The following C2CD5 variants were observed in gnomAD, a reference collection of about 807,000 sequenced individuals.
C2CD5 encodes C2 domain-containing protein 5.
A neutral mutation model predicts 130.3 loss-of-function variants in C2CD5; 109 were observed. That is an observed-to-expected ratio of 0.84 (90% confidence interval 0.72 to 0.98). The LOEUF (loss-of-function observed/expected upper bound fraction) is 0.98. C2CD5 is among the 50% of genes least tolerant of loss of function. C2CD5 has a pLI of 0.00. For missense variants in C2CD5, 996 were observed against 1,261.8 expected, an observed-to-expected ratio of 0.79 and a Z score of 3.19; for synonymous variants, 454 against 429.2, an observed-to-expected ratio of 1.06 and a Z score of -0.71.
intron 7 of C2CD5, among the ~76,000 whole-genome samples, chr12:22,519,495 A>T (rs1950076672): frequency 6.6e-6 from 1 of 152,148 alleles, no homozygotes; most frequent in Admixed American, 6.5e-5. Flanking sequence ...TAGCAAGCAG[A>T]ATAGTCAATG....
chr12:22,532,907 AG>A (rs1406825193), intron 3 of C2CD5, among the ~76,000 whole-genome samples: 26 of 152,244 alleles, frequency 1.7e-4, no homozygotes, highest in Non-Finnish European at 3.4e-4. Context: ...TAGCAGGGGA[AG>A]AAAAACCAAA....
intron 3 of C2CD5, 167 bp downstream of exon 3, chr12:22,535,091 G>T: frequency 1.7e-6 from 1 of 595,052 alleles, no homozygotes; most frequent in Non-Finnish European, 3.0e-6. Context: ...TTTCTTAAAT[G>T]TAATACAACT....
In C2CD5 at chr12:22,471,483, C is replaced by T. The variant is rs1170323596; in HGVS notation, c.2274G>A (p.Leu758=). The T allele has an allele frequency of 1.3e-6, 2 of 1,579,622 alleles. No homozygotes were observed. Among genetic ancestry groups the T allele is most frequent in the South Asian group, 1.1e-5 (1 of 89,276 alleles). The stretch of plus-strand genomic sequence containing the variant: ...GGATCATAGATCGTAGTTTAAAGTA[C>T]AGGCTCTACACAATAGAAAATATTA... ...NDLCENLLKS[L]YFKLRSMIPC... is the part of the protein sequence containing the mutation. The change falls in exon 20 of 27, where the codon CTG becomes CTA. Residue 758 remains leucine (L), a synonymous_variant. Transcript: ENST00000446597.
intron 4 of C2CD5, among the ~76,000 whole-genome samples, chr12:22,526,048 G>A (rs1446444936): frequency 6.6e-6 from 1 of 152,190 alleles, no homozygotes; most frequent in Non-Finnish European, 1.5e-5. Flanking sequence ...AACTTGGGAT[G>A]AGTTTATCTG....
chr12:22,500,166 A>G (rs1192803297), intron 10 of C2CD5, among the ~76,000 whole-genome samples: 1 of 152,136 alleles, frequency 6.6e-6, no homozygotes, highest in Non-Finnish European at 1.5e-5. Flanking sequence ...CCTGGGTGAC[A>G]GAGCAAGATT....
intron 15 of C2CD5, 149 bp downstream of exon 15, chr12:22,478,164 T>A: frequency 1.5e-6 from 1 of 660,024 alleles, no homozygotes; most frequent in South Asian, 1.8e-5. Flanking sequence ...AAGGAGACAG[T>A]TGAGCAAAGA....
chr12:22,453,248 C>T (rs560976264), intron 26 of C2CD5, among the ~76,000 whole-genome samples: 1 of 152,216 alleles, frequency 6.6e-6, no homozygotes, highest in East Asian at 1.9e-4. Context: ...CCACATACAG[C>T]TTCATGCATT....
chr12:22,487,514 A>G (rs1326191039), intron 12 of C2CD5, among the ~76,000 whole-genome samples: 2 of 152,160 alleles, frequency 1.3e-5, no homozygotes, highest in Non-Finnish European at 2.9e-5. Context: ...ACCATACCAC[A>G]CCAGTTAGAA....
chr12:22,544,172 T>C lies in C2CD5; in HGVS notation c.-22A>G. 1 of 1,611,312 alleles carries C rather than the reference T, an allele frequency of 6.2e-7. No homozygotes were observed. Among genetic ancestry groups the C allele is most frequent in the Non-Finnish European group, 8.5e-7 (1 of 1,177,574 alleles). On this transcript the variant is annotated 5_prime_UTR_variant, in exon 2 of 27. Transcript: ENST00000446597. ...GCATGGTCTCGGTTTCGGCCTCTTCTTGGGCTCCTGCAGAAACAAACAAAC... is the reference window on the plus strand; with the variant it reads ...GCATGGTCTCGGTTTCGGCCTCTTCCTGGGCTCCTGCAGAAACAAACAAAC...
At chr12:22,518,507 A>G (rs1404836732) in intron 7 of C2CD5, among the ~76,000 whole-genome samples, 5 of 152,262 alleles carry the variant, frequency 3.3e-5, no homozygotes, top group Non-Finnish European at 5.9e-5. Context: ...GTAAATATTC[A>G]TAATTGTTTT....
At chr12:22,518,952 G>A in intron 7 of C2CD5, 1 of 545,852 alleles carries the variant, frequency 1.8e-6, no homozygotes, top group Non-Finnish European at 3.2e-6. Flanking sequence ...GAGACTCTGT[G>A]GCAGCTAAAT....
rs768940601 is a variant in C2CD5, at chr12:22,493,221, A to C, written c.1262+2T>G. On this transcript the variant is annotated splice_donor_variant, in intron 11 of 26. Coordinates refer to ENST00000446597, the MANE Select transcript of C2CD5 (RefSeq NM_001286176.2). LOFTEE classifies it high-confidence loss of function. ...GAAAATCAAGTTGTTATTATCATTT[A>C]CCAGATGCTAGTTGATTCACTGTAG... 1 of 1,500,466 alleles carries C rather than the reference A, an allele frequency of 6.7e-7. No individual in the cohort carries two copies. Among genetic ancestry groups the C allele is most frequent in the Non-Finnish European group, 9.2e-7 (1 of 1,086,248 alleles). 92.9% of individuals were successfully genotyped at this position (1,500,466 alleles called of 1,614,324 possible). A position where few individuals can be genotyped will look rare whatever the true frequency, so the allele number is the denominator to read the frequency against.
intron 22 of C2CD5, among the ~76,000 whole-genome samples, chr12:22,467,280 A>C (rs1942240034): frequency 6.6e-6 from 1 of 151,930 alleles, no homozygotes; most frequent in African/African-American, 2.4e-5. Flanking sequence ...AGGTGATTCT[A>C]CCACCCGGCT....
At position 22,466,106 on chromosome 12, in the gene C2CD5, T is replaced by A. The variant is rs373507743; in HGVS notation, c.2533+3603A>T. On this transcript the variant is annotated intron_variant, in intron 22 of 26. Transcript: ENST00000446597. ...GAAGCAACATTTCTTTACATGACAT[T>A]CACCCATTTTCAATAACACAAAAAG... 8.5e-5 allele frequency among the ~76,000 whole-genome samples: 13 copies of A among 152,222 alleles called. 2 individuals carry two copies.
intron 16 of C2CD5, among the ~76,000 whole-genome samples, chr12:22,473,491 T>C (rs1943367437): frequency 6.6e-6 from 1 of 152,148 alleles, no homozygotes; most frequent in African/African-American, 2.4e-5. Flanking sequence ...ACCCAGGATC[T>C]CGAGCATTCT....
At chr12:22,530,603 T>G (rs7138159) in intron 3 of C2CD5, among the ~76,000 whole-genome samples, 151,928 of 151,930 alleles carry the variant, frequency 1, 75,963 homozygotes, top group Non-Finnish European at 1. Flanking sequence ...GATTACAGGT[T>G]CACACCACCA....
chr12:22,509,315 A>G (rs889498086), intron 9 of C2CD5, among the ~76,000 whole-genome samples: 5 of 152,250 alleles, frequency 3.3e-5, no homozygotes, highest in African/African-American at 7.2e-5. Flanking sequence ...AAGATTTTAC[A>G]TAAGTATGAA....
chr12:22,536,901 T>C (rs1290760091), intron 2 of C2CD5, among the ~76,000 whole-genome samples: 2 of 152,162 alleles, frequency 1.3e-5, no homozygotes, highest in East Asian at 3.8e-4. Context: ...AAAGGAAGAA[T>C]AGAGGTTCTT....
chr12:22,519,120 T>C (rs1565779334), intron 7 of C2CD5: 3 of 1,535,780 alleles, frequency 2.0e-6, no homozygotes, highest in Non-Finnish European at 2.6e-6. Flanking sequence ...CGTACCAGTA[T>C]AGATGAGAGT....
Sources: gnomAD v4.1 joint callset for allele counts (sites outside exome capture counted in the v4.1 genomes callset) on GRCh38, gnomAD v4.1.1 for gene constraint, MANE v1.5 for transcripts, NCBI Gene and HGNC (gene_info 2026-07-23, HGNC 2026-07-21) for gene names.